Variants in TMEM132D observed in about 807,000 individuals in gnomAD.
The protein encoded by TMEM132D is mature OL transmembrane protein.
In TMEM132D, 21 loss-of-function variants were observed where a neutral mutation model predicts 62.3. The observed-to-expected ratio is 0.34, with a 90% CI of 0.24 to 0.49. The LOEUF (loss-of-function observed/expected upper bound fraction) is 0.49. Among genes scored for constraint, TMEM132D ranks in the 20% least tolerant of loss-of-function variants. The pLI is 0.99. For synonymous variants in TMEM132D, 621 were observed against 575.6 expected, an observed-to-expected ratio of 1.08 and a Z score of -1.13; for missense variants, 1,346 against 1,402.8, an observed-to-expected ratio of 0.96 and a Z score of 0.65.
chr12:129,675,750 A>G (rs57462691), intron 2 of TMEM132D, among the ~76,000 whole-genome samples: 1,563 of 152,232 alleles, frequency 0.01, 28 homozygotes, highest in African/African-American at 0.036. Flanking sequence ...AACGCTGCCT[A>G]ATATCCTACA....
chr12:129,399,393 AC>A (rs1871539711), intron 3 of TMEM132D, among the ~76,000 whole-genome samples: 1 of 151,948 alleles, frequency 6.6e-6, no homozygotes, highest in Admixed American at 6.6e-5. Flanking sequence ...ATGATAACCA[AC>A]CCACTCCTGC....
intron 5 of TMEM132D, among the ~76,000 whole-genome samples, chr12:129,130,015 C>CTGTGTGTGTGTCTGTGTGTGTGTGTGTG (rs376534965): frequency 7.0e-6 from 1 of 141,848 alleles, no homozygotes; most frequent in South Asian, 2.3e-4. Flanking sequence ...AAGCTCTGCT[C>CTGTGTGTGTGTCTGTGTGTGTGTGTGTG]TGTGTGTGTG....
intron 2 of TMEM132D, among the ~76,000 whole-genome samples, chr12:129,637,791 T>A (rs1244290478): frequency 6.6e-6 from 1 of 152,042 alleles, no homozygotes; most frequent in Non-Finnish European, 1.5e-5. Flanking sequence ...AGCAGGGTCT[T>A]ACATGGCAGG....
intron 5 of TMEM132D, among the ~76,000 whole-genome samples, chr12:129,189,494 G>C (rs958487849): frequency 1.3e-5 from 2 of 152,142 alleles, no homozygotes; most frequent in South Asian, 4.1e-4. Context: ...ACCCTCCGGG[G>C]TCACTGCCAG....
chr12:129,388,318 TAATATAAA>T (rs1871181518), intron 3 of TMEM132D, among the ~76,000 whole-genome samples: 2 of 116,044 alleles, frequency 1.7e-5, no homozygotes, highest in African/African-American at 5.7e-5. Flanking sequence ...ACATGAATCC[TAATATAAA>T]CACTAACACC....
At chr12:129,715,119 CA>C (rs1868525702) in intron 1 of TMEM132D, among the ~76,000 whole-genome samples, 2 of 152,128 alleles carry the variant, frequency 1.3e-5, no homozygotes, top group Non-Finnish European at 2.9e-5. Flanking sequence ...AAGAAATCCA[CA>C]AAACAACTTT....
chr12:129,750,141 A>G (rs1405320870), intron 1 of TMEM132D, among the ~76,000 whole-genome samples: 2 of 152,006 alleles, frequency 1.3e-5, no homozygotes, highest in Non-Finnish European at 2.9e-5. Flanking sequence ...CCTGGAGTGC[A>G]GTGGTGCGAT....
At chr12:129,770,292 T>C (rs1176792536) in intron 1 of TMEM132D, among the ~76,000 whole-genome samples, 2 of 151,880 alleles carry the variant, frequency 1.3e-5, no homozygotes, top group African/African-American at 4.8e-5. Flanking sequence ...TACAGGCACA[T>C]GCCACCACAC....
At chr12:129,081,716 G>A (rs2135615534) in intron 7 of TMEM132D, 43 bp downstream of exon 7, 10 of 1,537,250 alleles carry the variant, frequency 6.5e-6, no homozygotes, top group Non-Finnish European at 8.7e-6. Flanking sequence ...GAGGTGGGAA[G>A]ACAGAGAGAT....
chr12:129,450,255 C>T (rs117653347), intron 3 of TMEM132D, among the ~76,000 whole-genome samples: 6,378 of 152,150 alleles, frequency 0.042, 371 homozygotes, highest in African/African-American at 0.13. Context: ...TTGCTTTTGG[C>T]ATCTTTGTCA....
chr12:129,480,725 T>C (rs921684046), intron 3 of TMEM132D, among the ~76,000 whole-genome samples: 1 of 152,196 alleles, frequency 6.6e-6, no homozygotes, highest in African/African-American at 2.4e-5. Flanking sequence ...TGGGCAATGC[T>C]AAGTGTTGGC....
chr12:129,638,463 A>C (rs1879544357), intron 2 of TMEM132D, among the ~76,000 whole-genome samples: 1 of 148,228 alleles, frequency 6.7e-6, no homozygotes, highest in South Asian at 2.1e-4. Context: ...ATTGAAAAAA[A>C]ATCACACTAT....
chr12:129,607,078 T>C (rs1878648340), intron 2 of TMEM132D, among the ~76,000 whole-genome samples: 1 of 152,034 alleles, frequency 6.6e-6, no homozygotes, highest in Non-Finnish European at 1.5e-5. Context: ...TTTCTTTTTT[T>C]TTTTTGAATA....
chr12:129,657,536 A>G (rs1013168386), intron 2 of TMEM132D, among the ~76,000 whole-genome samples: 2 of 152,364 alleles, frequency 1.3e-5, no homozygotes, highest in East Asian at 1.9e-4. Flanking sequence ...AGTCAAATAC[A>G]TTTTTGTAGT....
chr12:129,816,867 G>A (rs763004204), intron 1 of TMEM132D, among the ~76,000 whole-genome samples: 82 of 152,154 alleles, frequency 5.4e-4, no homozygotes, highest in Non-Finnish European at 9.6e-4. Flanking sequence ...TACCGAGATA[G>A]TTTCATCAAA....
intron 1 of TMEM132D, among the ~76,000 whole-genome samples, chr12:129,730,659 G>C (rs910827893): frequency 2.0e-5 from 3 of 151,840 alleles, no homozygotes; most frequent in Non-Finnish European, 4.4e-5. Context: ...ATTAACATTT[G>C]AGTCAGTGGA....
In TMEM132D at chr12:129,120,524, T is replaced by A. The variant is rs78020506; in HGVS notation, c.1444-35822A>T. ...GCCATACTCTTCAAAAGCACGAAGG[T>A]TATGAAAAATTAGAAAAAGTTGAGG... On this transcript the variant is annotated intron_variant, in intron 5 of 8. Transcript: ENST00000422113. Among the ~76,000 whole-genome samples the A allele has an allele frequency of 6.7e-3, 1,012 of 152,136 alleles. 9 individuals are homozygous for A. The highest frequency in any genetic ancestry group is 0.023 in the African/African-American group (965 of 41,502).
chr12:129,326,989 A>G (rs1289722134), intron 4 of TMEM132D, among the ~76,000 whole-genome samples: 1 of 152,196 alleles, frequency 6.6e-6, no homozygotes, highest in Non-Finnish European at 1.5e-5. Flanking sequence ...AGTGAATGAG[A>G]CAGCTGTTAA....
intron 4 of TMEM132D, among the ~76,000 whole-genome samples, chr12:129,273,926 AAG>A (rs1491074612): frequency 2.6e-5 from 4 of 151,728 alleles, no homozygotes; most frequent in Admixed American, 2.0e-4. Flanking sequence ...GAAAAAAAAA[AAG>A]AGTGTTTGCA....
Sources: gnomAD v4.1 joint callset for allele counts (sites outside exome capture counted in the v4.1 genomes callset) on GRCh38, gnomAD v4.1.1 for gene constraint, MANE v1.5 for transcripts, NCBI Gene and HGNC (gene_info 2026-07-23, HGNC 2026-07-21) for gene names.